Variants in FSIP2 observed in about 807,000 individuals in gnomAD.
FSIP2 encodes fibrous sheath-interacting protein 2.
FSIP2 carries 367 observed loss-of-function variants against 510.5 expected under a neutral mutation model. The ratio of observed to expected loss-of-function variants is 0.72; its 90% CI spans 0.66 to 0.78. The LOEUF (loss-of-function observed/expected upper bound fraction) is 0.78, where lower values mean the gene tolerates loss of function less well. FSIP2 is among the 30% of genes least tolerant of loss of function. FSIP2 has a pLI of 0.00. For synonymous variants in FSIP2, 2,601 were observed against 2,732.2 expected (o/e 0.95, Z 1.50); for missense variants, 7,594 against 7,901.7 (o/e 0.96, Z 1.48).
rs540607947 is a variant in FSIP2, at chr2:185,832,955, T to G, written c.20588-135T>G. ...AAGCCTCATAGTACAGTAGGCATAA[T>G]GATGCCATGAGAGTCAGAAAGTCTG... On this transcript the variant is annotated intron_variant, in intron 22 of 22. Transcript: ENST00000424728. The G allele has an allele frequency of 1.2e-4, 81 of 678,898 alleles. No individual in the cohort carries two copies. The East Asian group carries it at 2.1e-3, about 18-fold the overall frequency. 42.1% of individuals were successfully genotyped at this position (678,898 alleles called of 1,614,324 possible).
At position 185,814,005 on chromosome 2, in the gene FSIP2, C is replaced by T; in HGVS notation, c.20288C>T (p.Thr6763Ile). 1 of 1,613,124 alleles carries T rather than the reference C, an allele frequency of 6.2e-7. No homozygotes were observed. The highest frequency in any genetic ancestry group is 8.5e-7 in the Non-Finnish European group (1 of 1,179,506). Reference sequence around the variant, plus strand: ...GCCACACCAAAGACGATGCCTGAAACAGCCTCTTCATCTTGGGAGGAAAAG... The same window carrying T: ...GCCACACCAAAGACGATGCCTGAAATAGCCTCTTCATCTTGGGAGGAAAAG... ...DMATPKTMPETASSSWEEKPQ... is the reference protein window; with the variant it reads ...DMATPKTMPEIASSSWEEKPQ... Residue 6763 changes from threonine to isoleucine, a missense_variant, in exon 18 of 23, where the codon ACA (threonine) becomes ATA (isoleucine). Coordinates refer to ENST00000424728, the MANE Select transcript of FSIP2 (RefSeq NM_173651.4).
chr2:185,788,986 TAAAAGGACAATCTATAATCTCTAA>T lies in FSIP2; in HGVS notation c.1852_1875del (p.Lys618_Lys625del). On this transcript the variant is annotated inframe_deletion, in exon 16 of 23. Transcript: ENST00000424728. ...ACAGTTGTGGGGAAAACATGTCACA[TAAAAGGACAATCTATAATCTCTAA>T]ACATAAATATAATAAAACCAACTTG... The T allele has an allele frequency of 6.5e-7, 1 of 1,534,416 alleles. No individual in the cohort carries two copies.
chr2:185,806,666 TAGA>T lies in FSIP2; in HGVS notation c.17364_17366del (p.Glu5788del), dbSNP rs768534545. On this transcript the variant is annotated inframe_deletion, in exon 17 of 23. Transcript: ENST00000424728. ...CCTGGAATTTTTCCCGCTAAGTTTT[TAGA>T]AGATGTTATTACTGAGATGGTTAAA... 2 of 1,602,512 alleles carry T rather than the reference TAGA, an allele frequency of 1.2e-6. No homozygotes were observed. Among genetic ancestry groups the T allele is most frequent in the East Asian group, 4.5e-5 (2 of 44,708 alleles).
At chr2:185,738,337 G>T (rs1691828341), upstream of FSIP2, 1 of 429,048 alleles carries the variant, frequency 2.3e-6, no homozygotes, top group Admixed American at 4.2e-5. Flanking sequence ...AAGGGCGCTA[G>T]AAAGGAGAAG....
intron 2 of FSIP2, among the ~76,000 whole-genome samples, chr2:185,741,019 C>A (rs1691912578): frequency 6.6e-6 from 1 of 152,126 alleles, no homozygotes; most frequent in African/African-American, 2.4e-5. Flanking sequence ...AAGTGAACTA[C>A]AAATATACCA....
At position 185,795,954 on chromosome 2, in the gene FSIP2, G is replaced by A. The variant is rs1390470071; in HGVS notation, c.8818G>A (p.Asp2940Asn). The change falls in exon 16 of 23, where the codon GAT (aspartate) becomes AAT (asparagine). Residue 2940 changes from aspartate to asparagine, a missense_variant. Transcript: ENST00000424728. ...LCFLSQIPTP[D>N]SEETLSNSKE... ...CTTTCTGTCCCAAATTCCCACTCCA[G>A]ATAGTGAAGAAACTCTATCAAACAG... 3 of 1,534,726 alleles carry A rather than the reference G, an allele frequency of 2.0e-6. No individual in the cohort carries two copies. Among genetic ancestry groups the A allele is most frequent in the South Asian group, 1.2e-5 (1 of 83,964 alleles).
At position 185,803,696 on chromosome 2, in the gene FSIP2, T is replaced by A. The variant is rs1225985244; in HGVS notation, c.14390T>A (p.Ile4797Lys). The change falls in exon 17 of 23, where the codon ATA (isoleucine) becomes AAA (lysine). Residue 4797 changes from isoleucine to lysine, a missense_variant. By Grantham distance (102) the Ile-to-Lys change is moderately radical. Transcript: ENST00000424728. ...TTATCACATAGTCATTTGGAAAAAA[T>A]AGTTACTCAGCTTACATCTCAGATA... The part of the protein sequence containing the change: ...TMLSHSHLEK[I>K]VTQLTSQISP... 3 of 1,532,532 alleles carry A rather than the reference T, an allele frequency of 2.0e-6. No homozygotes were observed. In the South Asian group the frequency reaches 3.6e-5, roughly 18 times the overall value. The allele number at this position is 1,532,532 out of a possible 1,614,324, so 94.9% of individuals were successfully genotyped here.
In FSIP2 at chr2:185,788,816, C is replaced by T; in HGVS notation, c.1680C>T (p.Ser560=). 8 of 1,534,460 alleles carry T rather than the reference C, an allele frequency of 5.2e-6. No individual in the cohort carries two copies. The highest frequency in any genetic ancestry group is 7.0e-6 in the Non-Finnish European group (8 of 1,145,698). The change falls in exon 16 of 23, where the codon AGC becomes AGT. Residue 560 remains serine (S), a synonymous_variant. Coordinates refer to ENST00000424728, the MANE Select transcript of FSIP2 (RefSeq NM_173651.4). ...ILSSDSSSFC[S]TCSEDFTYRS... is the part of the protein sequence containing the mutation. ...CTTCAGATAGTTCAAGTTTCTGTAG[C>T]ACGTGCAGTGAAGACTTTACATATA...
At position 185,808,088 on chromosome 2, in the gene FSIP2, T is replaced by A; in HGVS notation, c.18782T>A (p.Leu6261Ter). The change falls in exon 17 of 23, where the codon TTA becomes TAA. Residue 6261 changes from leucine to a stop codon, truncating the protein, a stop_gained. Coordinates refer to ENST00000424728, the MANE Select transcript of FSIP2 (RefSeq NM_173651.4). LOFTEE classifies it high-confidence loss of function. The part of the protein sequence containing the change: ...NIVNSIYTSV[L>*]KHSGSYTSVF... ...GTTAATTCTATTTATACCAGTGTTTTAAAGCACTCTGGCTCTTATACTTCT... is the reference window on the plus strand; with the variant it reads ...GTTAATTCTATTTATACCAGTGTTTAAAAGCACTCTGGCTCTTATACTTCT... 1 of 1,607,858 alleles carries A rather than the reference T, an allele frequency of 6.2e-7. No homozygotes were observed. Among genetic ancestry groups the A allele is most frequent in the Non-Finnish European group, 8.5e-7 (1 of 1,177,762 alleles).
chr2:185,750,625 T>C (rs1447369907), intron 7 of FSIP2, among the ~76,000 whole-genome samples: 6 of 150,268 alleles, frequency 4.0e-5, no homozygotes, highest in Admixed American at 4.0e-4. Context: ...TCTATTTTGT[T>C]GATTTCTGTT....
In FSIP2 at chr2:185,801,945, G is replaced by A. The variant is rs756913176; in HGVS notation, c.12639G>A (p.Met4213Ile). The change falls in exon 17 of 23, where the codon ATG (methionine) becomes ATA (isoleucine). Residue 4213 changes from methionine to isoleucine, a missense_variant. By Grantham distance (10) the Met-to-Ile change is conservative. Coordinates refer to ENST00000424728, the MANE Select transcript of FSIP2 (RefSeq NM_173651.4). ...ATACTGGAAAAAACCTCCAAAAGAT[G>A]GTGGATTCTGTATATTGTAATATTT... ...YLYTGKNLQK[M>I]VDSVYCNILQ... is the part of the protein sequence containing the mutation. 9 of 1,520,366 alleles carry A rather than the reference G, an allele frequency of 5.9e-6. No homozygotes were observed. The highest frequency in any genetic ancestry group is 7.9e-6 in the Non-Finnish European group (9 of 1,138,492). 94.2% of individuals were successfully genotyped at this position (1,520,366 alleles called of 1,614,324 possible).
chr2:185,786,727 TG>T (rs1480146859), intron 15 of FSIP2, among the ~76,000 whole-genome samples: 1 of 151,848 alleles, frequency 6.6e-6, no homozygotes, highest in Non-Finnish European at 1.5e-5. Context: ...AGCTGAGACT[TG>T]GAACAGGCAA....
intron 9 of FSIP2, among the ~76,000 whole-genome samples, chr2:185,757,691 G>T (rs1692269409): frequency 6.6e-6 from 1 of 151,228 alleles, no homozygotes; most frequent in Non-Finnish European, 1.5e-5. Context: ...CAGTTTTGCA[G>T]CTGGTGATTC....
At position 185,759,801 on chromosome 2, in the gene FSIP2, G is replaced by C. The variant is rs189702191; in HGVS notation, c.1079-1187G>C. 4.1e-4 allele frequency among the ~76,000 whole-genome samples: 61 copies of C among 150,480 alleles called. 1 individual carries two copies. The East Asian group carries it at 0.012, about 29-fold the overall frequency. On this transcript the variant is annotated intron_variant, in intron 9 of 22. Coordinates refer to ENST00000424728, the MANE Select transcript of FSIP2 (RefSeq NM_173651.4). ...GATTCTGATGTCAGTGTATGAGATA[G>C]AAAATGTTCACTCTTCTTCAATTTC...
At chr2:185,825,890 G>A (rs1694006021) in intron 20 of FSIP2, among the ~76,000 whole-genome samples, 1 of 151,918 alleles carries the variant, frequency 6.6e-6, no homozygotes, top group East Asian at 2.0e-4. Context: ...ACATTGATAA[G>A]TAAAGTCATG....
At chr2:185,753,408 C>T (rs1692185971) in intron 7 of FSIP2, among the ~76,000 whole-genome samples, 1 of 151,420 alleles carries the variant, frequency 6.6e-6, no homozygotes, top group Non-Finnish European at 1.5e-5. Flanking sequence ...CCTCAGGAAT[C>T]TTCCAATTGA....
At chr2:185,755,138 C>G (rs919820571) in intron 8 of FSIP2, among the ~76,000 whole-genome samples, 2 of 151,490 alleles carry the variant, frequency 1.3e-5, no homozygotes, top group Non-Finnish European at 3.0e-5. Flanking sequence ...GTTGATAACC[C>G]TAACTGGAAG....
chr2:185,820,432 T>G (rs1332742690), intron 19 of FSIP2, among the ~76,000 whole-genome samples: 1 of 150,818 alleles, frequency 6.6e-6, no homozygotes, highest in Non-Finnish European at 1.5e-5. Context: ...CAGACTAATA[T>G]AGATGTGAAT....
At chr2:185,786,156 A>AAAATT (rs1692968352) in intron 14 of FSIP2, 96 bp from the exon 15 acceptor site, 2 of 772,742 alleles carry the variant, frequency 2.6e-6, no homozygotes, top group Non-Finnish European at 4.1e-6. Context: ...AAAATCTTAG[A>AAAATT]TACAACAAAA....
Sources: gnomAD v4.1 joint callset for allele counts (sites outside exome capture counted in the v4.1 genomes callset) on GRCh38, gnomAD v4.1.1 for gene constraint, MANE v1.5 for transcripts, NCBI Gene and HGNC (gene_info 2026-07-23, HGNC 2026-07-21) for gene names.